HTR1F: variants seen among roughly 807,000 people sequenced by gnomAD.
HTR1F encodes the protein 5-hydroxytryptamine (serotonin) receptor 1F, G protein-coupled.
HTR1F carries 17 observed loss-of-function variants against 24.0 expected under a neutral mutation model. The observed-to-expected ratio is 0.71, with a 90% CI of 0.48 to 1.06. The LOEUF (loss-of-function observed/expected upper bound fraction) is 1.06, where lower values mean the gene tolerates loss of function less well. HTR1F is among the 50% of genes least tolerant of loss of function. The probability of loss-of-function intolerance (pLI) is 0.00; values close to 1 mark genes in which losing one functional copy is unlikely to be tolerated. For synonymous variants in HTR1F, 186 were observed against 156.8 expected (o/e 1.19, Z -1.39); for missense variants, 391 against 427.8 (o/e 0.91, Z 0.76).
At chr3:87,832,545 C>G (rs765693697) in intron 2 of HTR1F, among the ~76,000 whole-genome samples, 1 of 152,040 alleles carries the variant, frequency 6.6e-6, no homozygotes, top group Non-Finnish European at 1.5e-5. Context: ...CCAGGCTGGT[C>G]GCAAACTCCT....
intron 2 of HTR1F, among the ~76,000 whole-genome samples, chr3:87,830,590 T>C (rs1226139693): frequency 2.0e-5 from 3 of 152,196 alleles, no homozygotes; most frequent in Non-Finnish European, 4.4e-5. Flanking sequence ...TAATCCTTTA[T>C]TGAAAAAATA....
chr3:87,820,836 T>TATAA (rs1316338013), intron 1 of HTR1F, among the ~76,000 whole-genome samples: 2 of 152,146 alleles, frequency 1.3e-5, no homozygotes, highest in Non-Finnish European at 2.9e-5. Context: ...TAACCTTATT[T>TATAA]ATGTTTTGTA....
chr3:87,809,190 A>T, intron 1 of HTR1F, among the ~76,000 whole-genome samples: 1 of 151,838 alleles, frequency 6.6e-6, no homozygotes, highest in East Asian at 1.9e-4. Context: ...GTTAAAAATA[A>T]TAGAAAATAT....
At chr3:87,946,546 A>AC (rs1704709760) in intron 2 of HTR1F, among the ~76,000 whole-genome samples, 1 of 151,542 alleles carries the variant, frequency 6.6e-6, no homozygotes, top group Non-Finnish European at 1.5e-5. Flanking sequence ...ACACTAAAAA[A>AC]AATTTAATGT....
intron 2 of HTR1F, among the ~76,000 whole-genome samples, chr3:87,896,723 T>C (rs1706205989): frequency 2.0e-5 from 3 of 152,088 alleles, no homozygotes; most frequent in Admixed American, 1.3e-4. Context: ...AGCAACTCAA[T>C]AGCAAGAAAA....
chr3:87,913,445 A>G (rs553021285), intron 2 of HTR1F, among the ~76,000 whole-genome samples: 4 of 152,246 alleles, frequency 2.6e-5, no homozygotes, highest in African/African-American at 9.6e-5. Context: ...AACAGATGCT[A>G]GTGAGTTTGC....
chr3:87,882,853 A>T (rs1022280696), intron 2 of HTR1F, among the ~76,000 whole-genome samples: 3 of 152,114 alleles, frequency 2.0e-5, no homozygotes, highest in African/African-American at 7.2e-5. Flanking sequence ...CTTAAAGTAT[A>T]ATAATAAAAA....
chr3:87,814,796 A>C (rs903270125), intron 1 of HTR1F, among the ~76,000 whole-genome samples: 66 of 152,282 alleles, frequency 4.3e-4, no homozygotes, highest in African/African-American at 1.4e-3. Flanking sequence ...GAAAATACTA[A>C]ATTGAAGTCA....
chr3:87,952,212 T>C (rs935631592), intron 2 of HTR1F, among the ~76,000 whole-genome samples: 23 of 152,218 alleles, frequency 1.5e-4, no homozygotes, highest in African/African-American at 5.5e-4. Flanking sequence ...CATGTTTATA[T>C]TTTACTAACT....
chr3:87,818,566 C>G (rs1704293157), intron 1 of HTR1F, among the ~76,000 whole-genome samples: 1 of 152,156 alleles, frequency 6.6e-6, no homozygotes, highest in Non-Finnish European at 1.5e-5. Context: ...GACCTGCAGT[C>G]CTGCCATGCC....
At chr3:87,936,846 C>G (rs1704431575) in intron 2 of HTR1F, among the ~76,000 whole-genome samples, 1 of 151,934 alleles carries the variant, frequency 6.6e-6, no homozygotes, top group Admixed American at 6.6e-5. Context: ...CATCTCTAAA[C>G]ACCTCTATGC....
chr3:87,929,547 T>C (rs1704210418), intron 2 of HTR1F, among the ~76,000 whole-genome samples: 1 of 152,208 alleles, frequency 6.6e-6, no homozygotes, highest in Admixed American at 6.6e-5. Context: ...CATCATTTAT[T>C]GAATAAGAGG....
chr3:87,955,522 G>T (rs1297814381), intron 2 of HTR1F, among the ~76,000 whole-genome samples: 1 of 151,360 alleles, frequency 6.6e-6, no homozygotes, highest in Non-Finnish European at 1.5e-5. Context: ...ATATTTTATG[G>T]ACATATGCAT....
chr3:87,976,630 T>G (rs1705400737), intron 2 of HTR1F, among the ~76,000 whole-genome samples: 1 of 152,254 alleles, frequency 6.6e-6, no homozygotes, highest in South Asian at 2.1e-4. Flanking sequence ...TAACATATTT[T>G]TATTCATGTT....
chr3:87,938,402 T>C (rs1704480602), intron 2 of HTR1F, among the ~76,000 whole-genome samples: 1 of 152,210 alleles, frequency 6.6e-6, no homozygotes, highest in East Asian at 1.9e-4. Flanking sequence ...CCCATCAATC[T>C]ACCAATGACA....
In HTR1F at chr3:87,990,844, G is replaced by T. The variant is rs1705805600; in HGVS notation, c.95G>T (p.Gly32Val). The T allele has an allele frequency of 6.2e-7, 1 of 1,613,974 alleles. No homozygotes were observed. The highest frequency in any genetic ancestry group is 8.5e-7 in the Non-Finnish European group (1 of 1,180,014). The change falls in exon 3 of 3, where the codon GGG becomes GTG. Residue 32 changes from glycine (G) to valine (V), a missense_variant. By Grantham distance (109) the Gly-to-Val change is moderately radical. Transcript: ENST00000319595. ...SKILVSLTLS[G>V]LALMTTTINS... Reference sequence around the variant, plus strand: ...ATTCTGGTGTCCCTCACTCTGTCTGGGCTGGCACTGATGACAACAACTATC... The same window carrying T: ...ATTCTGGTGTCCCTCACTCTGTCTGTGCTGGCACTGATGACAACAACTATC...
At chr3:87,849,535 G>T (rs1464904657) in intron 2 of HTR1F, among the ~76,000 whole-genome samples, 3 of 151,870 alleles carry the variant, frequency 2.0e-5, no homozygotes, top group Non-Finnish European at 4.4e-5. Flanking sequence ...TACCATTCAG[G>T]ACATAGGCAT....
rs564775423 is a variant in HTR1F at position 87,973,236 on chromosome 3, C to T, written c.-42-17472C>T. On this transcript the variant is annotated intron_variant, in intron 2 of 2. Transcript: ENST00000319595. ...ATTTTTACCTATTCTGCTTCATCTT[C>T]GGTCGCTCTCCATTGCCTCCAGGAT... Among the ~76,000 whole-genome samples the T allele has an allele frequency of 9.9e-5, 15 of 152,238 alleles. No individual in the cohort carries two copies. In the South Asian group the frequency reaches 2.7e-3, roughly 27 times the overall value.
At chr3:87,865,004 G>C (rs1283293546) in intron 2 of HTR1F, among the ~76,000 whole-genome samples, 1 of 151,868 alleles carries the variant, frequency 6.6e-6, no homozygotes, top group Non-Finnish European at 1.5e-5. Context: ...GCATCTGTCT[G>C]CTTTTTGACA....
Sources: gnomAD v4.1 joint callset for allele counts (sites outside exome capture counted in the v4.1 genomes callset) on GRCh38, gnomAD v4.1.1 for gene constraint, MANE v1.5 for transcripts, NCBI Gene and HGNC (gene_info 2026-07-23, HGNC 2026-07-21) for gene names.